The following MIA2 variants were observed in gnomAD, a reference collection of about 807,000 sequenced individuals.
MIA2 encodes melanoma inhibitory activity protein 2.
A neutral mutation model predicts 167.8 loss-of-function variants in MIA2; 127 were observed. That is an observed-to-expected ratio of 0.76 (90% CI 0.66 to 0.88). The LOEUF (loss-of-function observed/expected upper bound fraction) is 0.88, where lower values mean the gene tolerates loss of function less well. MIA2 is among the 40% of genes least tolerant of loss of function. MIA2 has a pLI of 0.00. For missense variants in MIA2, 1,690 were observed against 1,624.7 expected (o/e 1.04, Z -0.69); for synonymous variants, 552 against 541.9 (o/e 1.02, Z -0.26).
intron 17 of MIA2, among the ~76,000 whole-genome samples, chr14:39,306,672 C>G (rs549657965): frequency 6.6e-6 from 1 of 152,192 alleles, no homozygotes; most frequent in Non-Finnish European, 1.5e-5. Context: ...CATGTAATTA[C>G]TAAAATTTTC....
In MIA2 at chr14:39,293,388, C is replaced by CT; in HGVS notation, c.2319+13dup. 1.3e-6 allele frequency: 2 copies of CT among 1,512,188 alleles called. No individual in the cohort carries two copies. Among genetic ancestry groups the CT allele is most frequent in the South Asian group, 1.2e-5 (1 of 84,972 alleles). 93.7% of individuals were successfully genotyped at this position (1,512,188 alleles called of 1,614,324 possible). On this transcript the variant is annotated splice_region_variant and intron_variant, in intron 11 of 28. Transcript: ENST00000640607. Reference sequence around the variant, plus strand: ...TTCTGAACAAGATGAATTGGTAAGGCTTTTTTATTTGAGGAGAATATAAGA... The same window carrying CT: ...TTCTGAACAAGATGAATTGGTAAGGCTTTTTTTATTTGAGGAGAATATAAGA...
At chr14:39,274,734 G>T (rs1293480177) in intron 6 of MIA2, among the ~76,000 whole-genome samples, 1 of 151,274 alleles carries the variant, frequency 6.6e-6, no homozygotes, top group Non-Finnish European at 1.5e-5. Context: ...CCAAGACTCA[G>T]ATTCTTTGCT....
At chr14:39,275,002 G>T (rs1203365516) in intron 6 of MIA2, among the ~76,000 whole-genome samples, 1 of 149,552 alleles carries the variant, frequency 6.7e-6, no homozygotes, top group Non-Finnish European at 1.5e-5. Context: ...TTGAACCCAG[G>T]AGACGGAGGT....
downstream of MIA2, among the ~76,000 whole-genome samples, chr14:39,354,085 T>C (rs1325697392): frequency 6.6e-6 from 1 of 152,238 alleles, no homozygotes; most frequent in Non-Finnish European, 1.5e-5. Flanking sequence ...TACCCAGTAA[T>C]GGGATGGCTT....
chr14:39,292,795 A>T (rs1212754396), intron 10 of MIA2: 1 of 179,096 alleles, frequency 5.6e-6, no homozygotes, highest in African/African-American at 2.4e-5. Context: ...ATAGGTCTTA[A>T]TTCAATATGG....
intron 1 of MIA2, among the ~76,000 whole-genome samples, chr14:39,236,417 G>A (rs895445828): frequency 1.3e-5 from 2 of 152,030 alleles, no homozygotes; most frequent in Non-Finnish European, 2.9e-5. Context: ...GCTCCACTAG[G>A]GCTATGTGAC....
At chr14:39,246,847 C>A in intron 3 of MIA2, 64 bp from the exon 4 acceptor site, 1 of 923,906 alleles carries the variant, frequency 1.1e-6, no homozygotes, top group Non-Finnish European at 1.6e-6. Flanking sequence ...TTTTAAATGA[C>A]TCAGGGAGAA....
chr14:39,340,168 C>T (rs2071474523), intron 25 of MIA2, among the ~76,000 whole-genome samples: 1 of 152,066 alleles, frequency 6.6e-6, no homozygotes. Flanking sequence ...CTTTAGTATT[C>T]CTAGTTTTCA....
At chr14:39,249,042 TAAAGG>T (rs916719955) in intron 4 of MIA2, among the ~76,000 whole-genome samples, 3 of 152,172 alleles carry the variant, frequency 2.0e-5, no homozygotes, top group African/African-American at 7.2e-5. Flanking sequence ...CCTGGCCAGC[TAAAGG>T]AAAGTTTAAT....
At chr14:39,349,878 CAA>C (rs1363432252) in intron 28 of MIA2, among the ~76,000 whole-genome samples, 7 of 151,860 alleles carry the variant, frequency 4.6e-5, no homozygotes. Context: ...TAAGATAGGA[CAA>C]AAATTACATA....
chr14:39,313,742 A>T (rs1471266135), intron 19 of MIA2, among the ~76,000 whole-genome samples: 1 of 152,150 alleles, frequency 6.6e-6, no homozygotes, highest in Non-Finnish European at 1.5e-5. Flanking sequence ...ATGAATAGAT[A>T]TTAATTTTAA....
At chr14:39,238,811 A>AAAAAAAAAAAACAAAAAAC in intron 2 of MIA2, among the ~76,000 whole-genome samples, 2 of 103,608 alleles carry the variant, frequency 1.9e-5, no homozygotes, top group African/African-American at 3.9e-5. Context: ...AAAAAAAAAA[A>AAAAAAAAAAAACAAAAAAC]CCCAAAAAAC....
At chr14:39,268,033 AGT>A (rs2056320273) in intron 6 of MIA2, among the ~76,000 whole-genome samples, 1 of 149,230 alleles carries the variant, frequency 6.7e-6, no homozygotes, top group Non-Finnish European at 1.5e-5. Context: ...CTCTACCATG[AGT>A]GAGATTGTTC....
In MIA2 at chr14:39,247,210, G is replaced by T; in HGVS notation, c.636G>T (p.Val212=). ...TGGAACAGGATCGTATTCCAGAAGT[G>T]CATGTCCCACCATCTTCAGCTGTGT... ...ESMEQDRIPE[V]HVPPSSAVSG... The change falls in exon 4 of 29, where the codon GTG becomes GTT. Residue 212 remains valine, a synonymous_variant. Transcript: ENST00000640607. 6.2e-7 allele frequency: 1 copy of T among 1,614,160 alleles called. No individual in the cohort carries two copies. Among genetic ancestry groups the T allele is most frequent in the Non-Finnish European group, 8.5e-7 (1 of 1,180,036 alleles).
intron 6 of MIA2, among the ~76,000 whole-genome samples, chr14:39,258,848 A>G (rs1410274492): frequency 1.3e-5 from 2 of 152,294 alleles, no homozygotes; most frequent in Admixed American, 6.5e-5. Context: ...CCTCTTCTGC[A>G]GGTCTGCTGC....
rs980508888 is a variant in MIA2, at chr14:39,334,146, T to A, written c.3655+7124T>A. Among the ~76,000 whole-genome samples the A allele has an allele frequency of 4.6e-5, 7 of 152,192 alleles. No individual in the cohort carries two copies. In the East Asian group the frequency reaches 7.7e-4, roughly 17 times the overall value. ...ACCTAAAGTTAAAAAATATTCTATG[T>A]TTGCTCTTGGTATATTGGTACATGC... On this transcript the variant is annotated intron_variant, in intron 25 of 28. Transcript: ENST00000640607.
intron 6 of MIA2, among the ~76,000 whole-genome samples, chr14:39,258,353 T>G (rs2054916519): frequency 6.6e-6 from 1 of 152,230 alleles, no homozygotes; most frequent in South Asian, 2.1e-4. Context: ...GTCTCTGATA[T>G]CCTTTCTTCC....
At position 39,240,600 on chromosome 14, in the gene MIA2, C is replaced by G; in HGVS notation, c.289C>G (p.Gln97Glu). The change falls in exon 3 of 29, where the codon CAG (glutamine) becomes GAG (glutamate). Residue 97 changes from glutamine to glutamate, a missense_variant. Coordinates refer to ENST00000640607, the MANE Select transcript of MIA2 (RefSeq NM_001329214.4). Reference sequence around the variant, plus strand: ...TGGATATTTTCCCAGAGATGCAGTCCAGATTGAAGAGGTGTTCATATCTGA... The same window carrying G: ...TGGATATTTTCCCAGAGATGCAGTCGAGATTGAAGAGGTGTTCATATCTGA... ...EFGYFPRDAVQIEEVFISEEI... is the reference protein window; with the variant it reads ...EFGYFPRDAVEIEEVFISEEI... The G allele has an allele frequency of 6.2e-7, 1 of 1,613,268 alleles. No homozygotes were observed. The highest frequency in any genetic ancestry group is 1.1e-5 in the South Asian group (1 of 91,024).
At chr14:39,353,880 C>G (rs1040400660), downstream of MIA2, among the ~76,000 whole-genome samples, 1 of 152,196 alleles carries the variant, frequency 6.6e-6, no homozygotes, top group African/African-American at 2.4e-5. Flanking sequence ...CATGTCCCTA[C>G]AAAGGACGTG....
Sources: allele counts gnomAD v4.1 joint callset (sites outside exome capture counted in the v4.1 genomes callset), GRCh38; gene constraint gnomAD v4.1.1; transcripts MANE v1.5; gene names NCBI Gene and HGNC (gene_info 2026-07-23, HGNC 2026-07-21).